The following FBXL7 variants were observed in gnomAD, a reference collection of about 807,000 sequenced individuals.
FBXL7 encodes F-box/LRR-repeat protein 7.
FBXL7 carries 12 observed loss-of-function variants against 38.3 expected under a neutral mutation model. That is an observed-to-expected ratio of 0.31 (90% CI 0.20 to 0.51). The LOEUF is 0.51. Among genes scored for constraint, FBXL7 ranks in the 20% least tolerant of loss-of-function variants. The pLI is 0.98. For missense variants in FBXL7, 567 were observed against 676.4 expected, an observed-to-expected ratio of 0.84 and a Z score of 1.79; for synonymous variants, 297 against 300.9, an observed-to-expected ratio of 0.99 and a Z score of 0.13.
chr5:15,615,065 G>A (rs1206214624), intron 1 of FBXL7, among the ~76,000 whole-genome samples: 1 of 152,188 alleles, frequency 6.6e-6, no homozygotes, highest in Non-Finnish European at 1.5e-5. Flanking sequence ...TACCATGAGG[G>A]CGTCTTAGGA....
At chr5:15,615,450 G>A (rs77125809) in intron 1 of FBXL7, among the ~76,000 whole-genome samples, 4,309 of 152,278 alleles carry the variant, frequency 0.028, 104 homozygotes, top group East Asian at 0.053. Context: ...ATCTCCAGTT[G>A]AGAACTGCTG....
chr5:15,545,753 A>G (rs1462057680), intron 1 of FBXL7, among the ~76,000 whole-genome samples: 3 of 152,234 alleles, frequency 2.0e-5, no homozygotes, highest in Non-Finnish European at 4.4e-5. Context: ...AATACATGGA[A>G]TTAGCTAATT....
At chr5:15,757,363 A>G (rs1221674323) in intron 2 of FBXL7, among the ~76,000 whole-genome samples, 1 of 152,162 alleles carries the variant, frequency 6.6e-6, no homozygotes, top group African/African-American at 2.4e-5. Flanking sequence ...GGGCACTTAC[A>G]TTCCTTTGCA....
chr5:15,579,978 A>C (rs1174031179), intron 1 of FBXL7, among the ~76,000 whole-genome samples: 1 of 152,050 alleles, frequency 6.6e-6, no homozygotes, highest in Non-Finnish European at 1.5e-5. Context: ...ATGCAGTGTT[A>C]CTTCTGGGCA....
chr5:15,833,692 G>C (rs116016066), intron 2 of FBXL7, among the ~76,000 whole-genome samples: 3 of 152,152 alleles, frequency 2.0e-5, no homozygotes, highest in Non-Finnish European at 2.9e-5. Context: ...TGTGATGCAC[G>C]GAGACCCATA....
rs549328998 is a variant in FBXL7 at position 15,577,109 on chromosome 5, A to G, written c.38-38874A>G. ...CTTCTGAGAAGCAGCCTGGATAACA[A>G]TGCGTCCTAGGAGCCTGGCTTCATT... On this transcript the variant is annotated intron_variant, in intron 1 of 3. Coordinates refer to ENST00000504595, the MANE Select transcript of FBXL7 (RefSeq NM_012304.5). Among the ~76,000 whole-genome samples, 3 of 152,316 alleles carry G rather than the reference A, an allele frequency of 2.0e-5. No individual in the cohort carries two copies. The South Asian group carries it at 6.2e-4, about 32-fold the overall frequency.
intron 2 of FBXL7, among the ~76,000 whole-genome samples, chr5:15,639,320 C>T (rs1457985892): frequency 6.6e-6 from 1 of 152,162 alleles, no homozygotes; most frequent in Non-Finnish European, 1.5e-5. Context: ...CTTGTAGCTC[C>T]CATGATTCCC....
chr5:15,806,650 C>T (rs1737719680), intron 2 of FBXL7, among the ~76,000 whole-genome samples: 1 of 152,124 alleles, frequency 6.6e-6, no homozygotes, highest in African/African-American at 2.4e-5. Flanking sequence ...CTTTTCCCGT[C>T]CAACTTGGAG....
intron 2 of FBXL7, among the ~76,000 whole-genome samples, chr5:15,865,018 G>C (rs1266680864): frequency 6.6e-6 from 1 of 152,140 alleles, no homozygotes; most frequent in Non-Finnish European, 1.5e-5. Flanking sequence ...ACTTGGCTCT[G>C]ATTTCTGGCA....
At chr5:15,862,184 T>C (rs535015297) in intron 2 of FBXL7, among the ~76,000 whole-genome samples, 1 of 152,284 alleles carries the variant, frequency 6.6e-6, no homozygotes, top group East Asian at 1.9e-4. Flanking sequence ...AACTGAATCA[T>C]GGGGGCGGTT....
chr5:15,876,443 A>G (rs1035055560), intron 2 of FBXL7, among the ~76,000 whole-genome samples: 2 of 152,172 alleles, frequency 1.3e-5, no homozygotes, highest in African/African-American at 4.8e-5. Context: ...CTAGATACTT[A>G]TTATGTTGCA....
At chr5:15,623,923 G>A (rs1446183431) in intron 2 of FBXL7, among the ~76,000 whole-genome samples, 1 of 152,116 alleles carries the variant, frequency 6.6e-6, no homozygotes, top group East Asian at 1.9e-4. Context: ...TTAGTAGGTG[G>A]CAAAGATTAT....
intron 2 of FBXL7, among the ~76,000 whole-genome samples, chr5:15,687,518 G>T (rs575801493): frequency 1.3e-5 from 2 of 152,322 alleles, no homozygotes; most frequent in African/African-American, 4.8e-5. Context: ...GAGAAGAGAA[G>T]TGGATAATGA....
chr5:15,744,251 T>G (rs1252170738), intron 2 of FBXL7, among the ~76,000 whole-genome samples: 1 of 152,216 alleles, frequency 6.6e-6, no homozygotes, highest in Non-Finnish European at 1.5e-5. Flanking sequence ...GTGCTCTGCT[T>G]CTTCTTGAAC....
At chr5:15,754,574 C>A (rs75933684) in intron 2 of FBXL7, among the ~76,000 whole-genome samples, 1 of 152,050 alleles carries the variant, frequency 6.6e-6, no homozygotes, top group African/African-American at 2.4e-5. Context: ...AGTTAGACAC[C>A]GGGCAACCAA....
chr5:15,935,046 T>A (rs1222120155), intron 3 of FBXL7: 1 of 462,312 alleles, frequency 2.2e-6, no homozygotes, highest in African/African-American at 2.0e-5. Flanking sequence ...CTCTGAGACC[T>A]GGGAAAGTCT....
At chr5:15,933,479 G>C (rs1408580258) in intron 3 of FBXL7, among the ~76,000 whole-genome samples, 1 of 152,102 alleles carries the variant, frequency 6.6e-6, no homozygotes, top group African/African-American at 2.4e-5. Context: ...CACTACCATA[G>C]AAAAACAAAT....
intron 1 of FBXL7, among the ~76,000 whole-genome samples, chr5:15,608,486 G>A (rs1185424844): frequency 2.0e-5 from 3 of 152,186 alleles, no homozygotes; most frequent in Admixed American, 2.0e-4. Flanking sequence ...TTACTTTTAT[G>A]TGTCAACTTG....
At chr5:15,762,786 C>T (rs972767126) in intron 2 of FBXL7, among the ~76,000 whole-genome samples, 9 of 152,140 alleles carry the variant, frequency 5.9e-5, no homozygotes, top group African/African-American at 2.2e-4. Context: ...TTTAATTTAA[C>T]ATTTTGGTTG....
Sources: gnomAD v4.1 joint callset for allele counts (sites outside exome capture counted in the v4.1 genomes callset) on GRCh38, gnomAD v4.1.1 for gene constraint, MANE v1.5 for transcripts, NCBI Gene and HGNC (gene_info 2026-07-23, HGNC 2026-07-21) for gene names.